Variants in TMEM184B observed in about 807,000 individuals in gnomAD.
TMEM184B encodes transmembrane protein 184B.
TMEM184B carries 17 observed loss-of-function variants against 41.8 expected under a neutral mutation model. The observed-to-expected ratio is 0.41, with a 90% confidence interval of 0.28 to 0.61. The LOEUF is 0.61. Among genes scored for constraint, TMEM184B ranks in the 20% least tolerant of loss-of-function variants. The pLI, the probability that TMEM184B is intolerant of heterozygous loss-of-function variation, is 0.34. For synonymous variants in TMEM184B, 240 were observed against 229.5 expected (o/e 1.05, Z -0.41); for missense variants, 393 against 557.8 (o/e 0.70, Z 2.98).
chr22:38,272,980 C>A lies in TMEM184B; in HGVS notation c.-155G>T. 4.5e-6 allele frequency: 1 copy of A among 222,796 alleles called. No individual in the cohort carries two copies. The highest frequency in any genetic ancestry group is 2.3e-5 in the African/African-American group (1 of 42,790). The allele number at this position is 222,796 out of a possible 1,614,324, so 13.8% of individuals were successfully genotyped here. ...GGCGCCGCAGCCCCGGAGTCTCCGCCGCCGCCGGCGCGTCCCGGGCCCAGT... is the reference window on the plus strand; with the variant it reads ...GGCGCCGCAGCCCCGGAGTCTCCGCAGCCGCCGGCGCGTCCCGGGCCCAGT... On this transcript the variant is annotated 5_prime_UTR_variant, in exon 1 of 9. Transcript: ENST00000361906.
At chr22:38,237,883 C>T (rs532654229) in intron 3 of TMEM184B, among the ~76,000 whole-genome samples, 2 of 152,058 alleles carry the variant, frequency 1.3e-5, no homozygotes, top group African/African-American at 4.8e-5. Flanking sequence ...CTCACTGCAA[C>T]CTCTGCCTCC....
In TMEM184B at chr22:38,246,019, C is replaced by A. The variant is rs140513108; in HGVS notation, c.274G>T (p.Ala92Ser). Residue 92 changes from alanine to serine, a missense_variant, in exon 3 of 9, where the codon GCC becomes TCC. Physicochemically the swap from Ala to Ser is moderately conservative, Grantham distance 99 (BLOSUM62 1). Transcript: ENST00000361906. ...AGGAGGCTGAGCCAGGAGTCAAAGG[C>A]GTAGATGGGCACGATGAAGAGGATG... ...VRILFIVPIY[A>S]FDSWLSLLFF... 2.5e-6 allele frequency: 4 copies of A among 1,613,542 alleles called. No homozygotes were observed. Among genetic ancestry groups the A allele is most frequent in the African/African-American group, 1.3e-5 (1 of 74,918 alleles).
Position 38,219,551 on chromosome 22 carries a change from G to C in TMEM184B, c.*1918C>G. On this transcript the variant is annotated 3_prime_UTR_variant, in exon 9 of 9. Coordinates refer to ENST00000361906, the MANE Select transcript of TMEM184B (RefSeq NM_012264.5). Reference sequence around the variant, plus strand: ...ATTAAAAAAAAAAAAGACAAGGTAGGTTATGCATCCTAAGGAGGAGGAGGG... The same window carrying C: ...ATTAAAAAAAAAAAAGACAAGGTAGCTTATGCATCCTAAGGAGGAGGAGGG... 1.0e-6 allele frequency: 1 copy of C among 985,664 alleles called. No homozygotes were observed. Among genetic ancestry groups the C allele is most frequent in the Non-Finnish European group, 1.2e-6 (1 of 829,894 alleles). The allele number at this position is 985,664 out of a possible 1,614,324, so 61.1% of individuals were successfully genotyped here. A position where few individuals can be genotyped will look rare whatever the true frequency, so the allele number is the denominator to read the frequency against.
intron 1 of TMEM184B, among the ~76,000 whole-genome samples, chr22:38,266,005 A>G (rs931543783): frequency 6.6e-6 from 1 of 152,184 alleles, no homozygotes; most frequent in African/African-American, 2.4e-5. Context: ...GCAGGAGATA[A>G]ATAAAGGTAC....
chr22:38,258,109 G>A (rs2092313415), intron 1 of TMEM184B, among the ~76,000 whole-genome samples: 1 of 152,084 alleles, frequency 6.6e-6, no homozygotes, highest in Non-Finnish European at 1.5e-5. Context: ...GCCAGGCCAC[G>A]CAGTCTGCAC....
intron 1 of TMEM184B, among the ~76,000 whole-genome samples, chr22:38,268,320 A>G (rs1371064279): frequency 6.7e-6 from 1 of 150,122 alleles, no homozygotes; most frequent in East Asian, 2.0e-4. Flanking sequence ...GGTTGCAGTG[A>G]GCCGAGATCC....
chr22:38,241,800 C>T (rs1353380456), intron 3 of TMEM184B, among the ~76,000 whole-genome samples: 3 of 145,604 alleles, frequency 2.1e-5, no homozygotes, highest in South Asian at 2.2e-4. Context: ...AGGAGAATGG[C>T]GTGAACCCAG....
chr22:38,264,185 C>T (rs556333243), intron 1 of TMEM184B, among the ~76,000 whole-genome samples: 67 of 152,312 alleles, frequency 4.4e-4, no homozygotes, highest in Non-Finnish European at 5.7e-4. Context: ...GGTAGGGACA[C>T]GGTGCTGAAC....
chr22:38,268,540 C>T (rs2092476674), intron 1 of TMEM184B, among the ~76,000 whole-genome samples: 1 of 152,014 alleles, frequency 6.6e-6, no homozygotes, highest in Non-Finnish European at 1.5e-5. Context: ...GGCCGCCTCC[C>T]ACTCTACCTC....
At chr22:38,224,756 CGG>C in intron 8 of TMEM184B, 27 bp downstream of exon 8, 1 of 1,543,694 alleles carries the variant, frequency 6.5e-7, no homozygotes, top group Non-Finnish European at 8.8e-7. Context: ...CTTCTCCCAG[CGG>C]GGGTCGCCTA....
rs1353239920 is a variant in TMEM184B at position 38,220,377 on chromosome 22, A to C, written c.*1092T>G. ...CCAGGGAGGGGCGCTTTCATATGTG[A>C]CTAAGGCACAGAAGAGATGGGCCAG... On this transcript the variant is annotated 3_prime_UTR_variant, in exon 9 of 9. Coordinates refer to ENST00000361906, the MANE Select transcript of TMEM184B (RefSeq NM_012264.5). 1.0e-6 allele frequency: 1 copy of C among 985,970 alleles called. No individual in the cohort carries two copies. Among genetic ancestry groups the C allele is most frequent in the Admixed American group, 6.2e-5 (1 of 16,260 alleles). The allele number at this position is 985,970 out of a possible 1,614,324, so 61.1% of individuals were successfully genotyped here.
At chr22:38,244,719 G>C (rs1233613738) in intron 3 of TMEM184B, among the ~76,000 whole-genome samples, 1 of 152,220 alleles carries the variant, frequency 6.6e-6, no homozygotes, top group African/African-American at 2.4e-5. Flanking sequence ...GCCTCCCAAA[G>C]TAATGGGATT....
At chr22:38,265,570 G>A (rs746402202) in intron 1 of TMEM184B, among the ~76,000 whole-genome samples, 1 of 152,020 alleles carries the variant, frequency 6.6e-6, no homozygotes, top group Non-Finnish European at 1.5e-5. Context: ...CTATAAAATA[G>A]GTGCAATAAT....
chr22:38,259,079 C>T (rs141307376), intron 1 of TMEM184B, among the ~76,000 whole-genome samples: 12 of 152,314 alleles, frequency 7.9e-5, no homozygotes, highest in Non-Finnish European at 1.6e-4. Context: ...AGACGTCTTC[C>T]GGCTGGCCCC....
At position 38,221,121 on chromosome 22, in the gene TMEM184B, G is replaced by A. The variant is rs2091246364; in HGVS notation, c.*348C>T. 2.7e-6 allele frequency: 3 copies of A among 1,130,696 alleles called. No individual in the cohort carries two copies. Among genetic ancestry groups the A allele is most frequent in the Non-Finnish European group, 2.2e-6 (2 of 920,420 alleles). 70.0% of individuals were successfully genotyped at this position (1,130,696 alleles called of 1,614,324 possible). A position where few individuals can be genotyped will look rare whatever the true frequency, so the allele number is the denominator to read the frequency against. The stretch of plus-strand genomic sequence containing the variant: ...AGAGTCTCGCGGGGAGGAGGGGCTA[G>A]AAGGCTGCAGCCGCTGGTCCACACA... On this transcript the variant is annotated 3_prime_UTR_variant, in exon 9 of 9. Transcript: ENST00000361906.
At chr22:38,244,455 G>C (rs565205436) in intron 3 of TMEM184B, among the ~76,000 whole-genome samples, 1 of 151,858 alleles carries the variant, frequency 6.6e-6, no homozygotes, top group South Asian at 2.1e-4. Context: ...TATCAATGTA[G>C]GGGTCTTTTT....
At chr22:38,266,806 G>A (rs1015236958) in intron 1 of TMEM184B, among the ~76,000 whole-genome samples, 2 of 152,132 alleles carry the variant, frequency 1.3e-5, no homozygotes, top group Non-Finnish European at 2.9e-5. Context: ...AAGTACGGCC[G>A]GGTACGGTGG....
chr22:38,246,830 C>T, intron 2 of TMEM184B: 1 of 1,301,226 alleles, frequency 7.7e-7, no homozygotes, highest in South Asian at 1.2e-5. Context: ...CAGGCAGCCC[C>T]TGGGTGTCTC....
chr22:38,245,874 G>A (rs962188946), intron 3 of TMEM184B, 61 bp downstream of exon 3: 2 of 1,474,620 alleles, frequency 1.4e-6, no homozygotes. Flanking sequence ...GGAATGTGGG[G>A]ACAGGGGCTC....
Sources: allele counts gnomAD v4.1 joint callset (sites outside exome capture counted in the v4.1 genomes callset), GRCh38; gene constraint gnomAD v4.1.1; transcripts MANE v1.5; gene names NCBI Gene and HGNC (gene_info 2026-07-23, HGNC 2026-07-21).